The following ACAD11 variants were observed in gnomAD, a reference collection of about 807,000 sequenced individuals.
The protein encoded by ACAD11 is acyl-Coenzyme A dehydrogenase family, member 11.
ACAD11 carries 83 observed loss-of-function variants against 102.2 expected under a neutral mutation model. The ratio of observed to expected loss-of-function variants is 0.81; its 90% CI spans 0.68 to 0.97. The LOEUF (loss-of-function observed/expected upper bound fraction) is 0.97, where lower values mean the gene tolerates loss of function less well. ACAD11 is among the 50% of genes least tolerant of loss of function. ACAD11 has a pLI of 0.00. For missense variants in ACAD11, 901 were observed against 951.7 expected, an observed-to-expected ratio of 0.95 and a Z score of 0.70; for synonymous variants, 324 against 319.8, an observed-to-expected ratio of 1.01 and a Z score of -0.14.
At chr3:132,608,991 T>G (rs1391509528) in intron 11 of ACAD11, among the ~76,000 whole-genome samples, 3 of 152,148 alleles carry the variant, frequency 2.0e-5, no homozygotes, top group Non-Finnish European at 4.4e-5. Context: ...AGAAACTCAC[T>G]CAAAACCGCA....
chr3:132,631,814 A>C (rs1313139050), intron 5 of ACAD11, among the ~76,000 whole-genome samples: 1 of 152,252 alleles, frequency 6.6e-6, no homozygotes, highest in Non-Finnish European at 1.5e-5. Flanking sequence ...CTTATATTTT[A>C]ATAATCCATG....
At chr3:132,617,398 C>A (rs771735993) in intron 11 of ACAD11, among the ~76,000 whole-genome samples, 2 of 151,108 alleles carry the variant, frequency 1.3e-5, no homozygotes, top group African/African-American at 4.9e-5. Context: ...AAAAAATTGG[C>A]CTCCTTCCTT....
At chr3:132,599,245 C>T (rs1255848826) in intron 13 of ACAD11, among the ~76,000 whole-genome samples, 3 of 152,196 alleles carry the variant, frequency 2.0e-5, no homozygotes, top group South Asian at 2.1e-4. Flanking sequence ...CGGTGGCTCA[C>T]GCCTGTAATC....
chr3:132,645,003 A>C, intron 1 of ACAD11, 107 bp from the exon 2 acceptor site: 4 of 644,448 alleles, frequency 6.2e-6, no homozygotes, highest in East Asian at 2.8e-5. Context: ...AATTCATCTC[A>C]ATGCTGGAAA....
At chr3:132,622,090 A>G (rs1381225433) in intron 9 of ACAD11, among the ~76,000 whole-genome samples, 1 of 152,104 alleles carries the variant, frequency 6.6e-6, no homozygotes, top group Non-Finnish European at 1.5e-5. Flanking sequence ...ATATTTTGCT[A>G]TTATAGTATC....
At position 132,646,256 on chromosome 3, in the gene ACAD11, G is replaced by A. The variant is rs200023483; in HGVS notation, c.150-1360C>T. Among the ~76,000 whole-genome samples, 6 of 152,280 alleles carry A rather than the reference G, an allele frequency of 3.9e-5. No homozygotes were observed. The East Asian group carries it at 7.7e-4, about 20-fold the overall frequency. The stretch of plus-strand genomic sequence containing the variant: ...TGGGATTACAGGAGTGAGCCACCGC[G>A]TCTGGCAACAACGAATCTCACAAAC... On this transcript the variant is annotated intron_variant, in intron 1 of 19. Coordinates refer to ENST00000264990, the MANE Select transcript of ACAD11 (RefSeq NM_032169.5).
rs544839824 is a variant in ACAD11, at chr3:132,612,076, C to G, written c.1414+6558G>C. ...AGCCCTCAGAAATAATGCCGCATAT[C>G]TACAACTATCTGATCTTTGATAAAC... On this transcript the variant is annotated intron_variant, in intron 11 of 19. Coordinates refer to ENST00000264990, the MANE Select transcript of ACAD11 (RefSeq NM_032169.5). Among the ~76,000 whole-genome samples the G allele has an allele frequency of 5.3e-5, 8 of 152,060 alleles. No individual in the cohort carries two copies. The East Asian group carries it at 1.5e-3, about 29-fold the overall frequency.
intron 11 of ACAD11, 70 bp downstream of exon 11, chr3:132,618,564 A>C (rs1189948164): frequency 1.5e-6 from 2 of 1,318,486 alleles, no homozygotes; most frequent in Non-Finnish European, 2.0e-6. Flanking sequence ...ACACATTCTT[A>C]TCATATATAG....
At chr3:132,628,310 T>G in intron 8 of ACAD11, 30 bp downstream of exon 8, 4 of 1,535,420 alleles carry the variant, frequency 2.6e-6, no homozygotes, top group Non-Finnish European at 3.6e-6. Flanking sequence ...GGCTCTAATT[T>G]GAGTTAGCCA....
chr3:132,605,103 A>G lies in ACAD11; in HGVS notation c.1517T>C (p.Met506Thr), dbSNP rs748056815. ...GAATGGTGATTGGCATTTACCTGTC[A>G]TACAGAAGCAAGAGGTAATGTTCCC... The part of the protein sequence containing the change: ...LQGNITSCFC[M>T]TEPDVASSDA... The change falls in exon 12 of 20, where the codon ATG becomes ACG. Residue 506 changes from methionine to threonine, a missense_variant. By Grantham distance (81) the Met-to-Thr change is moderately conservative. Transcript: ENST00000264990. The G allele has an allele frequency of 1.2e-6, 2 of 1,611,672 alleles. No homozygotes were observed. Among genetic ancestry groups the G allele is most frequent in the Non-Finnish European group, 1.7e-6 (2 of 1,178,028 alleles).
chr3:132,567,585 A>C (rs1937251661), intron 17 of ACAD11, among the ~76,000 whole-genome samples: 1 of 152,226 alleles, frequency 6.6e-6, no homozygotes, highest in Non-Finnish European at 1.5e-5. Context: ...AACAAACAGA[A>C]AACAAAAATA....
At chr3:132,638,379 CAA>C (rs751302944) in intron 5 of ACAD11, among the ~76,000 whole-genome samples, 1 of 151,768 alleles carries the variant, frequency 6.6e-6, no homozygotes, top group Non-Finnish European at 1.5e-5. Context: ...TATTTCAAAA[CAA>C]AAAGTTAAAA....
At chr3:132,621,075 C>T (rs1464167440) in intron 9 of ACAD11, 3 of 152,114 alleles carry the variant, frequency 2.0e-5, no homozygotes, top group Non-Finnish European at 4.4e-5. Context: ...TAACACAAGT[C>T]TAATTGGAGT....
intron 11 of ACAD11, among the ~76,000 whole-genome samples, chr3:132,609,283 C>A (rs924865849): frequency 6.6e-6 from 1 of 152,026 alleles, no homozygotes. Flanking sequence ...CAAGAAATAA[C>A]CAAGATCAGA....
In ACAD11 at chr3:132,565,411, C is replaced by T. The variant is rs2085316; in HGVS notation, c.2002-4194G>A. On this transcript the variant is annotated intron_variant, in intron 17 of 19. Coordinates refer to ENST00000264990, the MANE Select transcript of ACAD11 (RefSeq NM_032169.5). ...GTACTGATGGAAGCTGGGAGGGGAA[C>T]CTGGACTTCTCTCTCTGCCTAGCAG... 8.4e-3 allele frequency among the ~76,000 whole-genome samples: 1,275 copies of T among 152,214 alleles called. 20 individuals carry two copies. The highest frequency in any genetic ancestry group is 0.013 in the Non-Finnish European group (900 of 68,012).
intron 16 of ACAD11, 53 bp downstream of exon 16, chr3:132,576,891 G>A (rs865782432): frequency 8.0e-7 from 1 of 1,246,776 alleles, no homozygotes; most frequent in Middle Eastern, 1.9e-4. Context: ...TCCAGATTTA[G>A]AGCTGAAATA....
At chr3:132,642,907 A>C in intron 2 of ACAD11, 105 bp from the exon 3 acceptor site, 1 of 1,113,718 alleles carries the variant, frequency 9.0e-7, no homozygotes, top group Non-Finnish European at 1.3e-6. Context: ...ACAACTGTAA[A>C]ACAGTATCAA....
At chr3:132,636,513 T>C (rs898230046) in intron 5 of ACAD11, among the ~76,000 whole-genome samples, 2 of 152,084 alleles carry the variant, frequency 1.3e-5, no homozygotes, top group Non-Finnish European at 2.9e-5. Context: ...AAGAAAATAA[T>C]AGAATTTGTA....
chr3:132,625,883 CTG>C (rs796386048), intron 9 of ACAD11, among the ~76,000 whole-genome samples: 4 of 152,278 alleles, frequency 2.6e-5, no homozygotes, highest in African/African-American at 9.6e-5. Flanking sequence ...GAGGAAAAAA[CTG>C]AGGCCACGCA....
Sources: gnomAD v4.1 joint callset for allele counts (sites outside exome capture counted in the v4.1 genomes callset) on GRCh38, gnomAD v4.1.1 for gene constraint, MANE v1.5 for transcripts, NCBI Gene and HGNC (gene_info 2026-07-23, HGNC 2026-07-21) for gene names.